The following HLA-DPB1 variants were observed in gnomAD, a reference collection of about 807,000 sequenced individuals.
HLA-DPB1 encodes the protein major histocompatibility complex, class II, DP beta 1.
In HLA-DPB1, 30 loss-of-function variants were observed where a neutral mutation model predicts 29.4. The observed-to-expected ratio is 1.02, with a 90% CI of 0.76 to 1.38. The LOEUF (loss-of-function observed/expected upper bound fraction) is 1.38, where lower values mean the gene tolerates loss of function less well. Among genes scored for constraint, HLA-DPB1 ranks in the 40% most tolerant of loss-of-function variants. The pLI, the probability that HLA-DPB1 is intolerant of heterozygous loss-of-function variation, is 0.00. For missense variants in HLA-DPB1, 261 were observed against 327.5 expected (o/e 0.80, Z 1.57); for synonymous variants, 114 against 134.0 (o/e 0.85, Z 1.03).
At chr6:33,079,592 A>C (rs566156542) in intron 1 of HLA-DPB1, 6 of 428,714 alleles carry the variant, frequency 1.4e-5, no homozygotes, top group African/African-American at 1.0e-4. Flanking sequence ...GGTTCGTAGA[A>C]GGTCCAAGGG....
chr6:33,078,476 C>T lies in HLA-DPB1; in HGVS notation c.101-2196C>T, dbSNP rs530405287. The stretch of plus-strand genomic sequence containing the variant: ...GCTTAAAGAGGCTGGGGGAGAAAAG[C>T]TTGGCTGAGACAACCCATAGGGAGC... On this transcript the variant is annotated intron_variant, in intron 1 of 5. Coordinates refer to ENST00000418931, the MANE Select transcript of HLA-DPB1 (RefSeq NM_002121.6). Among the ~76,000 whole-genome samples the T allele has an allele frequency of 1.9e-4, 29 of 152,278 alleles. No individual in the cohort carries two copies. The Middle Eastern group carries it at 0.027, about 143-fold the overall frequency.
chr6:33,081,528 G>C (rs1307555025), intron 2 of HLA-DPB1, among the ~76,000 whole-genome samples: 2 of 152,104 alleles, frequency 1.3e-5, no homozygotes, highest in Non-Finnish European at 2.9e-5. Flanking sequence ...GGAGAGGCCC[G>C]CAGAGAAGAG....
rs1177556224 is a variant in HLA-DPB1, at chr6:33,084,850, AAG to A, written c.365-99_365-98del. ...AAGAGCGAGATTATGTCTCAAAAAA[AAG>A]GAAGGAAGGAAGGAAGGAAGGAAGG... On this transcript the variant is annotated intron_variant, in intron 2 of 5. Transcript: ENST00000418931. The A allele has an allele frequency of 3.2e-5, 8 of 249,200 alleles. 2 individuals are homozygous for A. Among genetic ancestry groups the A allele is most frequent in the Admixed American group, 2.8e-4 (2 of 7,070 alleles). The allele number at this position is 249,200 out of a possible 1,614,324, so 15.4% of individuals were successfully genotyped here. A position where few individuals can be genotyped will look rare whatever the true frequency, so the allele number is the denominator to read the frequency against.
chr6:33,084,896 G>GGAAGGAAA (rs1763026003), intron 2 of HLA-DPB1, 54 bp from the exon 3 acceptor site: 4 of 710,432 alleles, frequency 5.6e-6, no homozygotes, highest in Non-Finnish European at 7.4e-6. Flanking sequence ...AAGGAAGGAA[G>GGAAGGAAA]GAAAGAAGGA....
chr6:33,089,093 A>T lies in HLA-DPB1; in HGVS notation c.*2559A>T, dbSNP rs933198224. On this transcript the variant is annotated 3_prime_UTR_variant, in exon 6 of 6. Coordinates refer to ENST00000418931, the MANE Select transcript of HLA-DPB1 (RefSeq NM_002121.6). ...GTGAGGCCGAGCCAGGGGATGGTGA[A>T]AGTGGAAGGAGGTGGGAGTTGGGCA... 6.6e-6 allele frequency among the ~76,000 whole-genome samples: 1 copy of T among 152,068 alleles called. No individual in the cohort carries two copies. Among genetic ancestry groups the T allele is most frequent in the Non-Finnish European group, 1.5e-5 (1 of 68,016 alleles).
rs1312207425 is a variant in HLA-DPB1, at chr6:33,087,674, T to C, written c.*1140T>C. Among the ~76,000 whole-genome samples the C allele has an allele frequency of 6.6e-6, 1 of 152,200 alleles. No homozygotes were observed. The highest frequency in any genetic ancestry group is 1.9e-4 in the East Asian group (1 of 5,198). ...CCTGGTCAATTCCCGAAAGCTACTG[T>C]GCTCCTCTTGCCCATCTCCCCTTGC... On this transcript the variant is annotated 3_prime_UTR_variant, in exon 6 of 6. Transcript: ENST00000418931.
Position 33,080,682 on chromosome 6 carries a change from T to C in HLA-DPB1, c.111T>C (p.Leu37=). Reference sequence around the variant, plus strand: ...GCCCCCTCCCCGCAGAGAATTACCTTTTCCAGGGACGGCAGGAATGCTACG... The same window carrying C: ...GCCCCCTCCCCGCAGAGAATTACCTCTTCCAGGGACGGCAGGAATGCTACG... ...VQGRATPENY[L]FQGRQECYAF... Residue 37 remains leucine, a synonymous_variant, in exon 2 of 6, where the codon CTT becomes CTC. Transcript: ENST00000418931. This position sits in a 1 kb window ranked among gnomAD's most constrained non-coding sequence, Gnocchi z 4.3. 1.2e-6 allele frequency: 2 copies of C among 1,611,088 alleles called. No homozygotes were observed. The highest frequency in any genetic ancestry group is 1.7e-6 in the Non-Finnish European group (2 of 1,178,372).
chr6:33,078,021 G>C (rs867077277), intron 1 of HLA-DPB1, among the ~76,000 whole-genome samples: 2 of 152,068 alleles, frequency 1.3e-5, no homozygotes, highest in African/African-American at 2.4e-5. Flanking sequence ...AGCAGCACTG[G>C]TGACACTGAA....
In HLA-DPB1 at chr6:33,076,065, G is replaced by A. The variant is rs41540314; in HGVS notation, c.24G>A (p.Ala8=). The change falls in exon 1 of 6, where the codon GCG becomes GCA. Residue 8 remains alanine (A), a synonymous_variant. Transcript: ENST00000418931. ...CCATGATGGTTCTGCAGGTTTCTGCGGCCCCCCGGACAGTGGCTCTGACGG... is the reference window on the plus strand; with the variant it reads ...CCATGATGGTTCTGCAGGTTTCTGCAGCCCCCCGGACAGTGGCTCTGACGG... MMVLQVS[A]APRTVALTAL... is the part of the protein sequence containing the mutation. 2,079 of 1,612,236 alleles carry A rather than the reference G, an allele frequency of 1.3e-3. 37 individuals carry two copies. The East Asian group carries it at 0.014, about 11-fold the overall frequency.
chr6:33,084,807 G>C lies in HLA-DPB1; in HGVS notation c.365-143G>C. 2 of 369,674 alleles carry C rather than the reference G, an allele frequency of 5.4e-6. 1 individual carries two copies. Among genetic ancestry groups the C allele is most frequent in the Non-Finnish European group, 8.0e-6 (2 of 249,108 alleles). 22.9% of individuals were successfully genotyped at this position (369,674 alleles called of 1,614,324 possible). A position where few individuals can be genotyped will look rare whatever the true frequency, so the allele number is the denominator to read the frequency against. On this transcript the variant is annotated intron_variant, in intron 2 of 5. Coordinates refer to ENST00000418931, the MANE Select transcript of HLA-DPB1 (RefSeq NM_002121.6). ...GAGTGACACTCCATCTCAACAAAAA[G>C]AAAGAATGAAAGAAAGAAAGAGCGA...
At chr6:33,077,631 G>GGA (rs1762612713) in intron 1 of HLA-DPB1, among the ~76,000 whole-genome samples, 2 of 152,152 alleles carry the variant, frequency 1.3e-5, no homozygotes, top group Non-Finnish European at 2.9e-5. Context: ...TTCAACCATT[G>GGA]TACTCTCAGG....
At chr6:33,085,743 T>C (rs769782366) in intron 3 of HLA-DPB1, 36 bp from the exon 4 acceptor site, 7 of 1,350,042 alleles carry the variant, frequency 5.2e-6, no homozygotes, top group Non-Finnish European at 7.4e-6. Context: ...ATGCAGCTGG[T>C]GGAGGTGACA....
At position 33,080,615 on chromosome 6, in the gene HLA-DPB1, G is replaced by T; in HGVS notation, c.101-57G>T. 6.2e-7 allele frequency: 1 copy of T among 1,606,448 alleles called. No homozygotes were observed. The highest frequency in any genetic ancestry group is 1.1e-5 in the South Asian group (1 of 90,944). Reference sequence around the variant, plus strand: ...AATCGTTAATATTGAGAGAGAGAGGGAGAAAGAGGATTAGATGAGAGTGGC... The same window carrying T: ...AATCGTTAATATTGAGAGAGAGAGGTAGAAAGAGGATTAGATGAGAGTGGC... On this transcript the variant is annotated intron_variant, in intron 1 of 5. Transcript: ENST00000418931. The surrounding 1 kb of genome is among the most constrained non-coding windows in gnomAD (Gnocchi z 4.3).
At chr6:33,084,484 G>A (rs1318903234) in intron 2 of HLA-DPB1, among the ~76,000 whole-genome samples, 2 of 152,046 alleles carry the variant, frequency 1.3e-5, no homozygotes, top group East Asian at 3.9e-4. Flanking sequence ...TAGTGAACAT[G>A]CCTAAGAAAT....
rs1763200192 is a variant in HLA-DPB1 at position 33,088,251 on chromosome 6, G to A, written c.*1717G>A. 6.6e-6 allele frequency among the ~76,000 whole-genome samples: 1 copy of A among 152,176 alleles called. No individual in the cohort carries two copies. Among genetic ancestry groups the A allele is most frequent in the Non-Finnish European group, 1.5e-5 (1 of 68,038 alleles). On this transcript the variant is annotated 3_prime_UTR_variant, in exon 6 of 6. Coordinates refer to ENST00000418931, the MANE Select transcript of HLA-DPB1 (RefSeq NM_002121.6). Reference sequence around the variant, plus strand: ...AGAGCACATAAATCCTACCCTCAGAGTCACTGAGCAGTTAACATTACAAAT... The same window carrying A: ...AGAGCACATAAATCCTACCCTCAGAATCACTGAGCAGTTAACATTACAAAT...
At position 33,080,982 on chromosome 6, in the gene HLA-DPB1, C is replaced by A; in HGVS notation, c.364+47C>A. 1 of 1,517,762 alleles carries A rather than the reference C, an allele frequency of 6.6e-7. No individual in the cohort carries two copies. Among genetic ancestry groups the A allele is most frequent in the Non-Finnish European group, 8.8e-7 (1 of 1,138,594 alleles). 94.0% of individuals were successfully genotyped at this position (1,517,762 alleles called of 1,614,324 possible). ...GCGGTCCCAGGGCAGCCCCGCGGGC[C>A]CGTGCCCAGGGCGCAGGAGCAGCCG... is the stretch of plus-strand genomic sequence containing the variant. On this transcript the variant is annotated intron_variant, in intron 2 of 5. Coordinates refer to ENST00000418931, the MANE Select transcript of HLA-DPB1 (RefSeq NM_002121.6). The surrounding 1 kb of genome is among the most constrained non-coding windows in gnomAD (Gnocchi z 4.3).
Position 33,087,147 on chromosome 6 carries a change from G to T in HLA-DPB1, c.*613G>T, listed in dbSNP as rs3097677. 2,705 of 153,612 alleles carry T rather than the reference G, an allele frequency of 0.018. 76 individuals are homozygous for T. The highest frequency in any genetic ancestry group is 0.062 in the African/African-American group (2,576 of 41,572). 9.5% of individuals were successfully genotyped at this position (153,612 alleles called of 1,614,324 possible). A position where few individuals can be genotyped will look rare whatever the true frequency, so the allele number is the denominator to read the frequency against. ...GAGCATGTTTTATCATTACCATTAA[G>T]AAGTTAAATGAACATCAGAATTTAA... On this transcript the variant is annotated 3_prime_UTR_variant, in exon 6 of 6. Transcript: ENST00000418931.
At chr6:33,083,998 G>A (rs140669698) in intron 2 of HLA-DPB1, 5 of 124,486 alleles carry the variant, frequency 4.0e-5, no homozygotes, top group African/African-American at 1.4e-4. Context: ...CAAGCATGTA[G>A]GAGCTCAGGA....
Position 33,085,043 on chromosome 6 carries a change from G to A in HLA-DPB1, c.458G>A (p.Ser153Asn), listed in dbSNP as rs140447065. The A allele has an allele frequency of 4.3e-6, 7 of 1,613,404 alleles. No individual in the cohort carries two copies. In the African/African-American group the frequency reaches 5.3e-5, roughly 12 times the overall value. ...CACGTGACGGATTTCTACCCAGGCA[G>A]CATTCAAGTCCGATGGTTCCTGAAT... is the stretch of plus-strand genomic sequence containing the variant. The part of the protein sequence containing the change: ...VCHVTDFYPG[S>N]IQVRWFLNGQ... Residue 153 changes from serine (S) to asparagine (N), a missense_variant, in exon 3 of 6, where the codon AGC becomes AAC. Coordinates refer to ENST00000418931, the MANE Select transcript of HLA-DPB1 (RefSeq NM_002121.6).
Sources: gnomAD v4.1 joint callset for allele counts (sites outside exome capture counted in the v4.1 genomes callset) on GRCh38, gnomAD v4.1.1 for gene constraint, Gnocchi (gnomAD v3.1) non-coding constraint, MANE v1.5 for transcripts, NCBI Gene and HGNC (gene_info 2026-07-23, HGNC 2026-07-21) for gene names.